PPP1R15A: variants seen among roughly 807,000 people sequenced by gnomAD.
PPP1R15A encodes the protein protein phosphatase 1 regulatory subunit 15A, also known as growth arrest and DNA damage-inducible protein GADD34.
In PPP1R15A, 43 loss-of-function variants were observed where a neutral mutation model predicts 48.5. The ratio of observed to expected loss-of-function variants is 0.89; its 90% CI spans 0.69 to 1.14. The LOEUF is 1.14. Among genes scored for constraint, PPP1R15A ranks in the 50% most tolerant of loss-of-function variants. The pLI is 0.00. For synonymous variants in PPP1R15A, 327 were observed against 327.4 expected, an observed-to-expected ratio of 1.00 and a Z score of 0.01; for missense variants, 868 against 847.2, an observed-to-expected ratio of 1.02 and a Z score of -0.30.
At position 48,873,258 on chromosome 19, in the gene PPP1R15A, C is replaced by A; in HGVS notation, c.25C>A (p.Gln9Lys). ...CATGGCCCCAGGCCAAGCACCCCAT[C>A]AGGCTACCCCGTGGAGGGATGCCCA... is the stretch of plus-strand genomic sequence containing the variant. MAPGQAPH[Q>K]ATPWRDAHPF... is the part of the protein sequence containing the mutation. The change falls in exon 2 of 3, where the codon CAG (glutamine) becomes AAG (lysine). Residue 9 changes from glutamine (Q) to lysine (K), a missense_variant. Coordinates refer to ENST00000200453, the MANE Select transcript of PPP1R15A (RefSeq NM_014330.5). The A allele has an allele frequency of 6.5e-7, 1 of 1,539,258 alleles. No homozygotes were observed.
Sources: gnomAD v4.1 joint callset for allele counts on GRCh38, gnomAD v4.1.1 for gene constraint, MANE v1.5 for transcripts, NCBI Gene and HGNC (gene_info 2026-07-23, HGNC 2026-07-21) for gene names.